The following PDE4B variants were observed in gnomAD, a reference collection of about 807,000 sequenced individuals.
PDE4B encodes the protein phosphodiesterase 4B.
In PDE4B, 20 loss-of-function variants were observed where a neutral mutation model predicts 82.2. The ratio of observed to expected loss-of-function variants is 0.24; its 90% CI spans 0.17 to 0.35. The LOEUF is 0.35. Among genes scored for constraint, PDE4B ranks in the 10% least tolerant of loss-of-function variants. The pLI is 1.00. For synonymous variants in PDE4B, 320 were observed against 318.9 expected (o/e 1.00, Z -0.04); for missense variants, 655 against 907.2 (o/e 0.72, Z 3.57).
At chr1:66,208,678 T>C (rs1345731965) in intron 3 of PDE4B, among the ~76,000 whole-genome samples, 1 of 152,212 alleles carries the variant, frequency 6.6e-6, no homozygotes, top group African/African-American at 2.4e-5. Flanking sequence ...TCCAAAGTCA[T>C]TCAAATATTA....
intron 8 of PDE4B, among the ~76,000 whole-genome samples, chr1:66,336,802 G>A (rs1015163122): frequency 1.1e-4 from 17 of 152,178 alleles, no homozygotes; most frequent in Non-Finnish European, 5.9e-5. Context: ...TGGCTATGCA[G>A]GCTTATTTTT....
intron 1 of PDE4B, among the ~76,000 whole-genome samples, chr1:65,912,332 A>T (rs1027031759): frequency 6.6e-6 from 1 of 152,176 alleles, no homozygotes; most frequent in Non-Finnish European, 1.5e-5. Flanking sequence ...CAGTGAACCC[A>T]TCAACCCAAA....
chr1:65,800,720 T>C (rs1645684450), intron 1 of PDE4B, among the ~76,000 whole-genome samples: 1 of 152,230 alleles, frequency 6.6e-6, no homozygotes, highest in Non-Finnish European at 1.5e-5. Flanking sequence ...AGGAAGTTAA[T>C]ATTTGAATTT....
At chr1:66,091,897 T>C (rs572542962) in intron 3 of PDE4B, among the ~76,000 whole-genome samples, 51 of 152,236 alleles carry the variant, frequency 3.4e-4, no homozygotes, top group African/African-American at 1.2e-3. Flanking sequence ...CAAATTATAC[T>C]GGGTAACTGT....
chr1:66,172,042 T>C (rs369505162), intron 3 of PDE4B, among the ~76,000 whole-genome samples: 4 of 152,184 alleles, frequency 2.6e-5, no homozygotes, highest in Admixed American at 6.5e-5. Flanking sequence ...TGGAGTACGA[T>C]TGATCCCATC....
At chr1:66,083,286 C>G (rs1452261891) in intron 3 of PDE4B, among the ~76,000 whole-genome samples, 3 of 152,084 alleles carry the variant, frequency 2.0e-5, no homozygotes, top group African/African-American at 7.2e-5. Context: ...ATAAGACCAC[C>G]CACCATCAGT....
chr1:66,081,212 A>G (rs1656703536), intron 3 of PDE4B, among the ~76,000 whole-genome samples: 1 of 152,084 alleles, frequency 6.6e-6, no homozygotes, highest in Non-Finnish European at 1.5e-5. Context: ...GTCATAAGAG[A>G]TAAGGCATCT....
chr1:66,365,236 A>T lies in PDE4B; in HGVS notation c.1285-431A>T, dbSNP rs562301208. 2.0e-5 allele frequency among the ~76,000 whole-genome samples: 3 copies of T among 152,296 alleles called. No individual in the cohort carries two copies. In the South Asian group the frequency reaches 6.2e-4, roughly 32 times the overall value. Reference sequence around the variant, plus strand: ...TTTATTGCTTATCTTATGAATCGGGAGTTTGGCCATTTTTCTCTAAGTTAT... The same window carrying T: ...TTTATTGCTTATCTTATGAATCGGGTGTTTGGCCATTTTTCTCTAAGTTAT... On this transcript the variant is annotated intron_variant, in intron 12 of 16. Coordinates refer to ENST00000341517, the MANE Select transcript of PDE4B (RefSeq NM_002600.4).
intron 7 of PDE4B, among the ~76,000 whole-genome samples, chr1:66,329,305 C>T (rs1015205364): frequency 4.6e-5 from 7 of 152,056 alleles, no homozygotes; most frequent in Non-Finnish European, 1.0e-4. Context: ...TGGGAAGCCC[C>T]TGTGTTATCT....
chr1:66,060,586 A>G (rs1012621193), intron 3 of PDE4B, among the ~76,000 whole-genome samples: 4 of 152,216 alleles, frequency 2.6e-5, no homozygotes, highest in Non-Finnish European at 5.9e-5. Context: ...TATTGATTAC[A>G]TGCTGAAATT....
intron 3 of PDE4B, among the ~76,000 whole-genome samples, chr1:66,084,660 T>C (rs1656913278): frequency 6.6e-6 from 1 of 152,014 alleles, no homozygotes; most frequent in South Asian, 2.1e-4. Flanking sequence ...GCTCTAGGGG[T>C]CTGGAAGCTC....
chr1:66,221,191 G>A (rs1257049239), intron 3 of PDE4B, among the ~76,000 whole-genome samples: 1 of 151,986 alleles, frequency 6.6e-6, no homozygotes, highest in Non-Finnish European at 1.5e-5. Context: ...AAAACCATTG[G>A]AAAGTGGCCA....
chr1:66,272,972 A>G (rs1655619966), intron 7 of PDE4B, among the ~76,000 whole-genome samples: 1 of 151,444 alleles, frequency 6.6e-6, no homozygotes, highest in South Asian at 2.1e-4. Context: ...TTGTATTTTT[A>G]GTAGAGACAG....
At chr1:65,805,958 G>A (rs867244651) in intron 1 of PDE4B, among the ~76,000 whole-genome samples, 13 of 152,116 alleles carry the variant, frequency 8.5e-5, no homozygotes, top group Middle Eastern at 3.4e-3. Flanking sequence ...TCTAATTTTG[G>A]TGGGGGAGCT....
At chr1:66,153,400 C>G (rs1359808094) in intron 3 of PDE4B, among the ~76,000 whole-genome samples, 2 of 152,212 alleles carry the variant, frequency 1.3e-5, no homozygotes, top group African/African-American at 4.8e-5. Flanking sequence ...AGCCTCCTTG[C>G]TCTGCTTTGC....
intron 7 of PDE4B, among the ~76,000 whole-genome samples, chr1:66,270,135 A>C (rs1655358209): frequency 6.6e-6 from 1 of 152,228 alleles, no homozygotes. Flanking sequence ...GATACTAATG[A>C]TATCAAAGCC....
intron 3 of PDE4B, among the ~76,000 whole-genome samples, chr1:65,949,291 G>C (rs1648874935): frequency 6.6e-6 from 1 of 152,064 alleles, no homozygotes; most frequent in Admixed American, 6.6e-5. Context: ...TCATAGAACG[G>C]ACCCATTGCT....
At chr1:66,221,481 A>G (rs1004806036) in intron 3 of PDE4B, among the ~76,000 whole-genome samples, 1 of 152,178 alleles carries the variant, frequency 6.6e-6, no homozygotes, top group African/African-American at 2.4e-5. Context: ...TTTATAAAAA[A>G]TGTAAAACAT....
intron 3 of PDE4B, among the ~76,000 whole-genome samples, chr1:66,028,982 T>C (rs542702303): frequency 6.6e-6 from 1 of 152,366 alleles, no homozygotes; most frequent in African/African-American, 2.4e-5. Flanking sequence ...CCAAAGTCAC[T>C]TCCACATTTT....
Sources: gnomAD v4.1 joint callset for allele counts (sites outside exome capture counted in the v4.1 genomes callset) on GRCh38, gnomAD v4.1.1 for gene constraint, MANE v1.5 for transcripts, NCBI Gene and HGNC (gene_info 2026-07-23, HGNC 2026-07-21) for gene names.